Variants in MYO10 observed in about 807,000 individuals in gnomAD.
MYO10 encodes the protein myosin X.
Under a neutral mutation model 257.3 loss-of-function variants are expected in MYO10, and 133 were observed. That is an observed-to-expected ratio of 0.52 (90% CI 0.45 to 0.60). The LOEUF (loss-of-function observed/expected upper bound fraction) is 0.60, where lower values mean the gene tolerates loss of function less well. Among genes scored for constraint, MYO10 ranks in the 20% least tolerant of loss-of-function variants. The pLI is 0.00. For missense variants in MYO10, 2,399 were observed against 2,635.7 expected, an observed-to-expected ratio of 0.91 and a Z score of 1.97; for synonymous variants, 1,104 against 1,028.6, an observed-to-expected ratio of 1.07 and a Z score of -1.40.
intron 33 of MYO10, among the ~76,000 whole-genome samples, chr5:16,676,930 T>C (rs1736752462): frequency 1.3e-5 from 2 of 152,250 alleles, no homozygotes; most frequent in Non-Finnish European, 2.9e-5. Flanking sequence ...TTTTTATCTA[T>C]AGTTCATTTC....
At chr5:16,777,002 C>T (rs1467541002) in intron 9 of MYO10, among the ~76,000 whole-genome samples, 15 of 150,262 alleles carry the variant, frequency 1.0e-4, no homozygotes, top group African/African-American at 3.4e-4. Context: ...TTTTTTTTGC[C>T]CTGCTCCTCA....
chr5:16,802,817 T>C (rs1338423204), intron 3 of MYO10, among the ~76,000 whole-genome samples: 2 of 151,938 alleles, frequency 1.3e-5, no homozygotes, highest in African/African-American at 2.4e-5. Flanking sequence ...TCCTTAACTT[T>C]AAATAAAAAG....
chr5:16,663,325 G>GTTTTTTT lies in MYO10; in HGVS notation c.*3366_*3367insAAAAAAA, dbSNP rs1561158360. ...GGAAAAAAGTAACATTTTACTTCTA[G>GTTTTTTT]TTGTTTTTTTTTTTTTTTTTTTTTT... On this transcript the variant is annotated 3_prime_UTR_variant, in exon 41 of 41. Coordinates refer to ENST00000513610, the MANE Select transcript of MYO10 (RefSeq NM_012334.3). 4.8e-5 allele frequency: 2 copies of GTTTTTTT among 41,300 alleles called. No homozygotes were observed. Among genetic ancestry groups the GTTTTTTT allele is most frequent in the Non-Finnish European group, 8.5e-5 (2 of 23,534 alleles). 2.6% of individuals were successfully genotyped at this position (41,300 alleles called of 1,614,324 possible). A position where few individuals can be genotyped will look rare whatever the true frequency, so the allele number is the denominator to read the frequency against.
At chr5:16,789,599 C>T (rs998920104) in intron 4 of MYO10, among the ~76,000 whole-genome samples, 5 of 152,040 alleles carry the variant, frequency 3.3e-5, no homozygotes, top group African/African-American at 1.2e-4. Flanking sequence ...ACCAGCCTGA[C>T]CAACATGGTG....
At chr5:16,721,847 G>C (rs948519994) in intron 19 of MYO10, among the ~76,000 whole-genome samples, 1 of 152,136 alleles carries the variant, frequency 6.6e-6, no homozygotes, top group South Asian at 2.1e-4. Flanking sequence ...TCTTTCTAAG[G>C]GATAGCTCTG....
chr5:16,688,455 G>A (rs1415710413), intron 28 of MYO10, among the ~76,000 whole-genome samples: 1 of 152,104 alleles, frequency 6.6e-6, no homozygotes, highest in Admixed American at 6.5e-5. Context: ...ATTAAAAGAC[G>A]TTCTCAGCCA....
chr5:16,822,264 G>T (rs1040194865), intron 2 of MYO10, among the ~76,000 whole-genome samples: 1 of 138,710 alleles, frequency 7.2e-6, no homozygotes, highest in African/African-American at 3.1e-5. Context: ...AATAAAAGTT[G>T]GAAAAAAAAA....
At chr5:16,784,649 G>A (rs1475736536) in intron 4 of MYO10, among the ~76,000 whole-genome samples, 1 of 152,192 alleles carries the variant, frequency 6.6e-6, no homozygotes, top group Non-Finnish European at 1.5e-5. Flanking sequence ...CCATACAAAC[G>A]CCATCACGAG....
intron 19 of MYO10, chr5:16,742,229 G>C (rs1740042717): frequency 1.0e-6 from 1 of 985,218 alleles, no homozygotes; most frequent in Non-Finnish European, 1.2e-6. Context: ...ACTCTTTGCT[G>C]GTGCTGAGCT....
chr5:16,923,453 A>C (rs191748266), intron 1 of MYO10, among the ~76,000 whole-genome samples: 1,920 of 151,534 alleles, frequency 0.013, 49 homozygotes, highest in African/African-American at 0.044. Flanking sequence ...CGCCCGGCTA[A>C]TTTTTTTGTA....
chr5:16,745,118 T>A (rs536321808), intron 19 of MYO10, among the ~76,000 whole-genome samples: 5 of 152,078 alleles, frequency 3.3e-5, no homozygotes, highest in Non-Finnish European at 7.4e-5. Context: ...GGCGTGTGGA[T>A]CACCTGAGGT....
chr5:16,719,171 G>C (rs1382660965), intron 19 of MYO10, among the ~76,000 whole-genome samples: 1 of 152,178 alleles, frequency 6.6e-6, no homozygotes, highest in Non-Finnish European at 1.5e-5. Flanking sequence ...AGCCCAGCGA[G>C]ACCACGAGCC....
rs370775867 is a variant in MYO10, at chr5:16,781,762, A to G, written c.670T>C (p.Phe224Leu). The stretch of plus-strand genomic sequence containing the variant: ...TTCTGACAGATGTTCAGCTGAACAA[A>G]CTTCCCAAAGCGACTAGAGTTGTTG... ...YNNNSSRFGK[F>L]VQLNICQKGN... The change falls in exon 6 of 41, where the codon TTT becomes CTT. Residue 224 changes from phenylalanine to leucine, a missense_variant. By Grantham distance (22) the Phe-to-Leu change is conservative. Transcript: ENST00000513610. 4 of 1,613,980 alleles carry G rather than the reference A, an allele frequency of 2.5e-6. No individual in the cohort carries two copies. Among genetic ancestry groups the G allele is most frequent in the Non-Finnish European group, 3.4e-6 (4 of 1,179,866 alleles).
At chr5:16,838,407 T>C (rs1307327339) in intron 2 of MYO10, among the ~76,000 whole-genome samples, 1 of 152,204 alleles carries the variant, frequency 6.6e-6, no homozygotes, top group Non-Finnish European at 1.5e-5. Flanking sequence ...CAACAATCCC[T>C]TCAGCCAAAG....
chr5:16,832,082 G>T (rs902022323), intron 2 of MYO10, among the ~76,000 whole-genome samples: 4 of 152,072 alleles, frequency 2.6e-5, no homozygotes, highest in Non-Finnish European at 5.9e-5. Context: ...AGGTAGCTGG[G>T]ACTACAGGCG....
At chr5:16,768,896 G>A (rs1229131842) in intron 10 of MYO10, among the ~76,000 whole-genome samples, 178 bp downstream of exon 10, 2 of 151,770 alleles carry the variant, frequency 1.3e-5, no homozygotes, top group Non-Finnish European at 2.9e-5. Context: ...GGCTGGTCTC[G>A]AACTCCTGGG....
In MYO10 at chr5:16,794,639, C is replaced by A. The variant is rs1394341716; in HGVS notation, c.467+7G>T. 1 of 1,602,662 alleles carries A rather than the reference C, an allele frequency of 6.2e-7. No homozygotes were observed. The highest frequency in any genetic ancestry group is 2.3e-5 in the East Asian group (1 of 44,444). On this transcript the variant is annotated splice_region_variant and intron_variant, in intron 4 of 40. Transcript: ENST00000513610. Reference sequence around the variant, plus strand: ...GGGAAAGTCCGACTGGCTGTGAGCCCCGTTACCTGATGAGGATGCACTGGT... The same window carrying A: ...GGGAAAGTCCGACTGGCTGTGAGCCACGTTACCTGATGAGGATGCACTGGT...
intron 1 of MYO10, among the ~76,000 whole-genome samples, chr5:16,882,295 G>A (rs529952885): frequency 1.3e-5 from 2 of 152,300 alleles, no homozygotes; most frequent in East Asian, 3.9e-4. Flanking sequence ...AAATGTTGGT[G>A]AGGATGTAGA....
rs11952462 is a variant in MYO10, at chr5:16,704,742, C to T, written c.2170-57G>A. 2,491 of 1,352,742 alleles carry T rather than the reference C, an allele frequency of 1.8e-3. 38 individuals are homozygous for T. The African/African-American group carries it at 0.028, about 15-fold the overall frequency. 83.8% of individuals were successfully genotyped at this position (1,352,742 alleles called of 1,614,324 possible). On this transcript the variant is annotated intron_variant, in intron 21 of 40. Coordinates refer to ENST00000513610, the MANE Select transcript of MYO10 (RefSeq NM_012334.3). ...AAGAACATGGCCAGCAGAAGGAAGG[C>T]ATTTCTGAGTCAAAGATATCTTCTG...
Sources: allele counts gnomAD v4.1 joint callset (sites outside exome capture counted in the v4.1 genomes callset), GRCh38; gene constraint gnomAD v4.1.1; transcripts MANE v1.5; gene names NCBI Gene and HGNC (gene_info 2026-07-23, HGNC 2026-07-21).